Variants in CNTNAP2 observed in about 807,000 individuals in gnomAD.
CNTNAP2 encodes the protein contactin associated protein 2.
CNTNAP2 carries 98 observed loss-of-function variants against 155.2 expected under a neutral mutation model. The ratio of observed to expected loss-of-function variants is 0.63; its 90% confidence interval spans 0.54 to 0.75. The LOEUF is 0.75. Ranked by LOEUF, CNTNAP2 falls within the 30% of genes least tolerant of loss-of-function variation. CNTNAP2 has a pLI of 0.00. For missense variants in CNTNAP2, 1,727 were observed against 1,688.1 expected, an observed-to-expected ratio of 1.02 and a Z score of -0.40; for synonymous variants, 651 against 631.2, an observed-to-expected ratio of 1.03 and a Z score of -0.47.
At chr7:147,944,670 T>A (rs976922662) in intron 14 of CNTNAP2, among the ~76,000 whole-genome samples, 1 of 152,222 alleles carries the variant, frequency 6.6e-6, no homozygotes, top group African/African-American at 2.4e-5. Context: ...TTGTTTTAAA[T>A]GTGCTTGGAA....
intron 1 of CNTNAP2, among the ~76,000 whole-genome samples, chr7:146,773,208 A>G (rs981330394): frequency 1.3e-5 from 2 of 152,176 alleles, no homozygotes; most frequent in Non-Finnish European, 2.9e-5. Context: ...TAATGAGAAA[A>G]AAGAGAAAAA....
intron 13 of CNTNAP2, among the ~76,000 whole-genome samples, chr7:147,656,598 C>T (rs148211180): frequency 6.6e-6 from 1 of 152,150 alleles, no homozygotes; most frequent in South Asian, 2.1e-4. Context: ...AGTTTGTCAT[C>T]TTCTATGGGC....
intron 12 of CNTNAP2, among the ~76,000 whole-genome samples, chr7:147,572,423 A>G (rs771449150): frequency 2.6e-5 from 4 of 152,316 alleles, no homozygotes; most frequent in Middle Eastern, 6.8e-3. Context: ...GGTATATCAC[A>G]GGTCACTCAG....
At chr7:146,863,547 T>G (rs1414718617) in intron 3 of CNTNAP2, among the ~76,000 whole-genome samples, 3 of 131,126 alleles carry the variant, frequency 2.3e-5, no homozygotes, top group African/African-American at 9.4e-5. Flanking sequence ...AGAATGTGAT[T>G]CAATAAAAGT....
At position 146,664,309 on chromosome 7, in the gene CNTNAP2, G is replaced by A. The variant is rs558014556; in HGVS notation, c.98-109962G>A. 2.0e-5 allele frequency among the ~76,000 whole-genome samples: 3 copies of A among 151,742 alleles called. No individual in the cohort carries two copies. The South Asian group carries it at 6.3e-4, about 32-fold the overall frequency. On this transcript the variant is annotated intron_variant, in intron 1 of 23. Transcript: ENST00000361727. ...CCCGAGCAGCTAGGACTACAGGCAC[G>A]TGCCACCATGCCGGGCTAATTTTGT... is the stretch of plus-strand genomic sequence containing the variant.
At chr7:146,714,408 T>A (rs527288294) in intron 1 of CNTNAP2, among the ~76,000 whole-genome samples, 4 of 152,364 alleles carry the variant, frequency 2.6e-5, no homozygotes, top group Non-Finnish European at 5.9e-5. Context: ...TAGTTTCTAA[T>A]CATGGAAGTA....
At chr7:147,378,005 C>A in intron 9 of CNTNAP2, 1 of 467,340 alleles carries the variant, frequency 2.1e-6, no homozygotes, top group Non-Finnish European at 4.4e-6. Flanking sequence ...ATCATTCTCC[C>A]TTTTCTCTCC....
At chr7:146,333,284 A>C (rs1408075862) in intron 1 of CNTNAP2, among the ~76,000 whole-genome samples, 1 of 152,044 alleles carries the variant, frequency 6.6e-6, no homozygotes, top group Non-Finnish European at 1.5e-5. Flanking sequence ...CATCAACCTG[A>C]AACTGCTTTA....
chr7:147,047,550 CTCT>C (rs1799390009), intron 4 of CNTNAP2, among the ~76,000 whole-genome samples: 1 of 151,992 alleles, frequency 6.6e-6, no homozygotes, highest in Non-Finnish European at 1.5e-5. Flanking sequence ...TTGCAGGCAA[CTCT>C]TCTTCATTCT....
chr7:146,827,577 A>G (rs1359170054), intron 2 of CNTNAP2, among the ~76,000 whole-genome samples: 1 of 151,714 alleles, frequency 6.6e-6, no homozygotes, highest in African/African-American at 2.4e-5. Flanking sequence ...GTGAATGGGC[A>G]CTTAGCTAGG....
intron 1 of CNTNAP2, among the ~76,000 whole-genome samples, chr7:146,177,980 G>T (rs1474828027): frequency 6.6e-6 from 1 of 152,060 alleles, no homozygotes; most frequent in Non-Finnish European, 1.5e-5. Flanking sequence ...CCTGTAGGTT[G>T]CTTGTATTTT....
At chr7:147,607,413 T>A (rs755537305) in intron 12 of CNTNAP2, among the ~76,000 whole-genome samples, 42 of 149,318 alleles carry the variant, frequency 2.8e-4, no homozygotes, top group Admixed American at 2.0e-3. Flanking sequence ...TCTTCCTTTC[T>A]CTCTCTCTCT....
Position 146,425,511 on chromosome 7 carries a change from AT to A in CNTNAP2, c.97+308539del, listed in dbSNP as rs555481198. Among the ~76,000 whole-genome samples, 320 of 152,326 alleles carry A rather than the reference AT, an allele frequency of 2.1e-3. 9 individuals are homozygous for A. Among genetic ancestry groups the A allele is most frequent in the Admixed American group, 0.021 (315 of 15,296 alleles). On this transcript the variant is annotated intron_variant, in intron 1 of 23. Transcript: ENST00000361727. ...TTGAGGCTGTGGTCCCTTCTCTACC[AT>A]CCATGTATTTTAGTACATCAATAAT...
chr7:147,988,877 G>A (rs1029989694), intron 15 of CNTNAP2, among the ~76,000 whole-genome samples: 11 of 152,186 alleles, frequency 7.2e-5, no homozygotes, highest in South Asian at 4.1e-4. Flanking sequence ...ACAGAAACAC[G>A]GAGTGAAATA....
At chr7:148,253,055 T>TAGATA (rs57134961) in intron 20 of CNTNAP2, among the ~76,000 whole-genome samples, 5,702 of 138,300 alleles carry the variant, frequency 0.041, 153 homozygotes, top group Middle Eastern at 0.089. Flanking sequence ...GATAGACAGA[T>TAGATA]GATAGATAGA....
intron 21 of CNTNAP2, among the ~76,000 whole-genome samples, chr7:148,319,669 A>G: frequency 6.6e-6 from 1 of 151,604 alleles, no homozygotes; most frequent in Non-Finnish European, 1.5e-5. Context: ...AGGAGCACAA[A>G]CCCGATTGTG....
At chr7:147,745,953 C>T (rs12534237) in intron 13 of CNTNAP2, among the ~76,000 whole-genome samples, 1,678 of 152,002 alleles carry the variant, frequency 0.011, 96 homozygotes, top group Admixed American at 0.087. Flanking sequence ...ATTCAATGAA[C>T]TTCTTTTTCA....
intron 9 of CNTNAP2, among the ~76,000 whole-genome samples, chr7:147,348,057 AAAT>A (rs1225000238): frequency 1.3e-5 from 2 of 152,118 alleles, no homozygotes; most frequent in African/African-American, 2.4e-5. Context: ...GTAAGACCTG[AAAT>A]AATAAAACTG....
At chr7:147,510,287 T>C (rs1483087945) in intron 11 of CNTNAP2, among the ~76,000 whole-genome samples, 2 of 152,122 alleles carry the variant, frequency 1.3e-5, no homozygotes, top group Non-Finnish European at 2.9e-5. Context: ...ACAGAGCAAA[T>C]TGGCTGGCCA....
Sources: gnomAD v4.1 joint callset for allele counts (sites outside exome capture counted in the v4.1 genomes callset) on GRCh38, gnomAD v4.1.1 for gene constraint, MANE v1.5 for transcripts, NCBI Gene and HGNC (gene_info 2026-07-23, HGNC 2026-07-21) for gene names.